The following ZNF227 variants were observed in gnomAD, a reference collection of about 807,000 sequenced individuals.
ZNF227 encodes the protein zinc finger protein 227.
Under a neutral mutation model 13.2 loss-of-function variants are expected in ZNF227, and 12 were observed. The observed-to-expected ratio is 0.91, with a 90% CI of 0.58 to 1.47. The LOEUF (loss-of-function observed/expected upper bound fraction) is 1.47, where lower values mean the gene tolerates loss of function less well. Ranked by LOEUF, ZNF227 falls within the 40% of genes most tolerant of loss-of-function variation. The pLI is 0.00. For synonymous variants in ZNF227, 338 were observed against 326.0 expected (o/e 1.04, Z -0.40); for missense variants, 885 against 967.5 (o/e 0.91, Z 1.13).
chr19:44,216,979 TTGAGACAGAGTCTCAC>T (rs1025363365), intron 2 of ZNF227, among the ~76,000 whole-genome samples: 1 of 149,292 alleles, frequency 6.7e-6, no homozygotes, highest in African/African-American at 2.5e-5. Context: ...TTTTTTTTTT[TTGAGACAGAGTCTCAC>T]TGTGTCATCC....
chr19:44,236,592 G>A lies in ZNF227; in HGVS notation c.2162G>A (p.Cys721Tyr). The stretch of plus-strand genomic sequence containing the variant: ...GAGAAACCCCATATATGTGAGGAGT[G>A]TGGTAAGGCCTTCAGTCTCCCCTCA... ...TGEKPHICEE[C>Y]GKAFSLPSNL... Residue 721 changes from cysteine (C) to tyrosine (Y), a missense_variant, in exon 6 of 6, where the codon TGT (cysteine) becomes TAT (tyrosine). Cys to Tyr is a radical substitution (Grantham distance 194). Coordinates refer to ENST00000313040, the MANE Select transcript of ZNF227 (RefSeq NM_182490.3). 6.2e-7 allele frequency: 1 copy of A among 1,614,108 alleles called. No homozygotes were observed. Among genetic ancestry groups the A allele is most frequent in the Non-Finnish European group, 8.5e-7 (1 of 1,180,024 alleles).
Position 44,228,228 on chromosome 19 carries a change from C to CA in ZNF227, c.61-212dup, listed in dbSNP as rs1373319172. ...CGGGTGACAGAGTGAGACTCCATCT[C>CA]AAAAAAGAAAAAAACAAAAAACAGT... On this transcript the variant is annotated intron_variant, in intron 3 of 5. Coordinates refer to ENST00000313040, the MANE Select transcript of ZNF227 (RefSeq NM_182490.3). 4.4e-5 allele frequency: 20 copies of CA among 451,084 alleles called. No individual in the cohort carries two copies. In the East Asian group the frequency reaches 8.3e-4, roughly 19 times the overall value. 27.9% of individuals were successfully genotyped at this position (451,084 alleles called of 1,614,324 possible). A position where few individuals can be genotyped will look rare whatever the true frequency, so the allele number is the denominator to read the frequency against.
At chr19:44,228,239 AAAAC>A (rs1183014743) in intron 3 of ZNF227, 2 of 502,376 alleles carry the variant, frequency 4.0e-6, no homozygotes, top group Non-Finnish European at 6.6e-6. Flanking sequence ...AAAAAAGAAA[AAAAC>A]AAAAAACAGT....
At chr19:44,216,958 G>GTTTTT (rs35474532) in intron 2 of ZNF227, among the ~76,000 whole-genome samples, 15 of 91,638 alleles carry the variant, frequency 1.6e-4, no homozygotes, top group South Asian at 3.9e-4. Flanking sequence ...TCATCTGCTT[G>GTTTTT]TTTTTTTTTT....
At chr19:44,229,890 C>T in intron 5 of ZNF227, 74 bp downstream of exon 5, 1 of 1,031,658 alleles carries the variant, frequency 9.7e-7, no homozygotes, top group Admixed American at 2.7e-5. Context: ...ATGTCCATGA[C>T]CTCCCTGGTC....
At chr19:44,223,441 A>C (rs1424691654) in intron 3 of ZNF227, among the ~76,000 whole-genome samples, 4 of 152,100 alleles carry the variant, frequency 2.6e-5, no homozygotes, top group Non-Finnish European at 4.4e-5. Flanking sequence ...ACAATTTCAG[A>C]GCCTGTTATT....
Position 44,228,251 on chromosome 19 carries a change from A to G in ZNF227, c.61-195A>G, listed in dbSNP as rs371831058. ...CTCAAAAAAGAAAAAAACAAAAAAC[A>G]GTGATAAACTACAGGCTTTATGGGG... On this transcript the variant is annotated intron_variant, in intron 3 of 5. Coordinates refer to ENST00000313040, the MANE Select transcript of ZNF227 (RefSeq NM_182490.3). 3.3e-4 allele frequency: 174 copies of G among 523,348 alleles called. 2 individuals carry two copies. In the South Asian group the frequency reaches 5.2e-3, roughly 16 times the overall value. The allele number at this position is 523,348 out of a possible 1,614,324, so 32.4% of individuals were successfully genotyped here. A position where few individuals can be genotyped will look rare whatever the true frequency, so the allele number is the denominator to read the frequency against.
At chr19:44,211,359 G>T (rs966530422), upstream of ZNF227, among the ~76,000 whole-genome samples, 11 of 152,156 alleles carry the variant, frequency 7.2e-5, no homozygotes, top group African/African-American at 2.4e-4. Context: ...ACAGAATAAA[G>T]AATATATATT....
At chr19:44,228,310 G>A (rs767430866) in intron 3 of ZNF227, 136 bp from the exon 4 acceptor site, 9 of 978,778 alleles carry the variant, frequency 9.2e-6, no homozygotes, top group East Asian at 2.7e-5. Flanking sequence ...AGGGAAAACT[G>A]TAACAGCTGA....
chr19:44,235,435 C>T lies in ZNF227; in HGVS notation c.1005C>T (p.Ser335=). 1 of 1,614,034 alleles carries T rather than the reference C, an allele frequency of 6.2e-7. No homozygotes were observed. The highest frequency in any genetic ancestry group is 1.1e-5 in the South Asian group (1 of 91,072). Reference sequence around the variant, plus strand: ...ACAGTTGCGGCAAGGGATTCAGTAGCAGCACGGGTCTTATCATTCATTACA... The same window carrying T: ...ACAGTTGCGGCAAGGGATTCAGTAGTAGCACGGGTCTTATCATTCATTACA... The part of the protein sequence containing the change: ...RCDSCGKGFS[S]STGLIIHYRT... The change falls in exon 6 of 6, where the codon AGC becomes AGT. Residue 335 remains serine, a synonymous_variant. Transcript: ENST00000313040.
chr19:44,226,082 G>A (rs949924747), intron 3 of ZNF227, among the ~76,000 whole-genome samples: 7 of 152,110 alleles, frequency 4.6e-5, no homozygotes, highest in African/African-American at 9.7e-5. Flanking sequence ...AACAGCGGTG[G>A]CTGTAGAACA....
intron 4 of ZNF227, among the ~76,000 whole-genome samples, 173 bp from the exon 5 acceptor site, chr19:44,229,560 C>T (rs577151646): frequency 3.3e-5 from 5 of 152,026 alleles, no homozygotes; most frequent in South Asian, 2.1e-4. Context: ...TGCAGTGAGC[C>T]GAGATTGTGC....
chr19:44,229,738 C>A lies in ZNF227; in HGVS notation c.193C>A (p.Leu65Ile), dbSNP rs769589840. The change falls in exon 5 of 6, where the codon CTT (leucine) becomes ATT (isoleucine). Residue 65 changes from leucine (L) to isoleucine (I), a missense_variant. Leu to Ile is a conservative substitution (Grantham distance 5). Transcript: ENST00000313040. ...AAAAATCTACATTTTCATAGGGCAT[C>A]TTCCCTTCCAACCAGATATGGTATC... The part of the protein sequence containing the change: ...NFKNLVAVGH[L>I]PFQPDMVSQL... The A allele has an allele frequency of 1.3e-5, 21 of 1,572,798 alleles. No homozygotes were observed. The highest frequency in any genetic ancestry group is 1.8e-5 in the Non-Finnish European group (21 of 1,155,278).
In ZNF227 at chr19:44,229,512, T is replaced by C. The variant is rs192204506; in HGVS notation, c.188-221T>C. 2.1e-4 allele frequency among the ~76,000 whole-genome samples: 32 copies of C among 152,256 alleles called. No individual in the cohort carries two copies. The East Asian group carries it at 5.6e-3, about 27-fold the overall frequency. ...CTGTAATCCCAACTACTCGGGAGGC[T>C]GAGGCAGGAGACTTGCTTGAACCCT... On this transcript the variant is annotated intron_variant, in intron 4 of 5. Coordinates refer to ENST00000313040, the MANE Select transcript of ZNF227 (RefSeq NM_182490.3).
At chr19:44,230,951 A>ATATATATATATATATATATATATCTATC (rs1244386357) in intron 5 of ZNF227, among the ~76,000 whole-genome samples, 1 of 132,728 alleles carries the variant, frequency 7.5e-6, no homozygotes, top group African/African-American at 3.2e-5. Context: ...ATATATATAT[A>ATATATATATATATATATATATATCTATC]TATCTTAGCC....
At chr19:44,226,951 A>ATGAC (rs1973233268) in intron 3 of ZNF227, among the ~76,000 whole-genome samples, 1 of 152,146 alleles carries the variant, frequency 6.6e-6, no homozygotes, top group Non-Finnish European at 1.5e-5. Context: ...TAAATATTCT[A>ATGAC]TGACTTTGCA....
chr19:44,213,685 G>A (rs1485772509), intron 2 of ZNF227: 2 of 151,924 alleles, frequency 1.3e-5, no homozygotes, highest in East Asian at 1.9e-4. Context: ...TGATACAGTC[G>A]TCTTCAGTTA....
intron 5 of ZNF227, among the ~76,000 whole-genome samples, chr19:44,233,263 AAT>A (rs1185342030): frequency 2.0e-5 from 3 of 152,146 alleles, no homozygotes; most frequent in South Asian, 2.1e-4. Flanking sequence ...ACTAAGCATA[AAT>A]ATGTTTATAT....
rs765210095 is a variant in ZNF227, at chr19:44,236,040, C to T, written c.1610C>T (p.Thr537Ile). Residue 537 changes from threonine (T) to isoleucine (I), a missense_variant, in exon 6 of 6, where the codon ACC becomes ATC. Physicochemically the swap from Thr to Ile is moderately conservative, Grantham distance 89. Coordinates refer to ENST00000313040, the MANE Select transcript of ZNF227 (RefSeq NM_182490.3). ...TTCAGTCAGTCCTCAAAGCTTCAAA[C>T]CCATCAGCGAGTCCACACTGGAGAG... Reference protein sequence around the residue: ...KGFSQSSKLQTHQRVHTGEKP... With the variant: ...KGFSQSSKLQIHQRVHTGEKP... The T allele has an allele frequency of 2.5e-6, 4 of 1,607,706 alleles. No individual in the cohort carries two copies. In the East Asian group the frequency reaches 9.0e-5, roughly 36 times the overall value.
Sources: gnomAD v4.1 joint callset for allele counts (sites outside exome capture counted in the v4.1 genomes callset) on GRCh38, gnomAD v4.1.1 for gene constraint, MANE v1.5 for transcripts, NCBI Gene and HGNC (gene_info 2026-07-23, HGNC 2026-07-21) for gene names.